RASSF2: variants seen among roughly 807,000 people sequenced by gnomAD.
The protein encoded by RASSF2 is Ras association domain family member 2.
Under a neutral mutation model 46.3 loss-of-function variants are expected in RASSF2, and 34 were observed. The ratio of observed to expected loss-of-function variants is 0.73; its 90% CI spans 0.56 to 0.98. The LOEUF (loss-of-function observed/expected upper bound fraction) is 0.98, where lower values mean the gene tolerates loss of function less well. RASSF2 is among the 50% of genes least tolerant of loss of function. The probability of loss-of-function intolerance (pLI) is 0.00; values close to 1 mark genes in which losing one functional copy is unlikely to be tolerated. For missense variants in RASSF2, 364 were observed against 431.2 expected, an observed-to-expected ratio of 0.84 and a Z score of 1.38; for synonymous variants, 158 against 162.5, an observed-to-expected ratio of 0.97 and a Z score of 0.21.
At chr20:4,792,439 C>T in intron 6 of RASSF2, 100 bp downstream of exon 6, 8 of 1,551,028 alleles carry the variant, frequency 5.2e-6, no homozygotes, top group Non-Finnish European at 7.0e-6. Context: ...GAACCATATA[C>T]ATTTTATATT....
At chr20:4,813,736 G>A (rs368624239) in intron 2 of RASSF2, among the ~76,000 whole-genome samples, 62 of 152,252 alleles carry the variant, frequency 4.1e-4, no homozygotes, top group African/African-American at 1.3e-3. Context: ...TGTGTGCGTG[G>A]GTGTGAGCAT....
intron 2 of RASSF2, among the ~76,000 whole-genome samples, chr20:4,821,975 T>A (rs1296217050): frequency 2.0e-5 from 3 of 152,242 alleles, no homozygotes; most frequent in Non-Finnish European, 4.4e-5. Flanking sequence ...GGACACTATA[T>A]TTGAACACAA....
intron 3 of RASSF2, 34 bp downstream of exon 3, chr20:4,800,938 A>G (rs1249530106): frequency 6.4e-7 from 1 of 1,561,720 alleles, no homozygotes; most frequent in East Asian, 2.2e-5. Flanking sequence ...GGGACTGGTC[A>G]CTGAGGACAA....
chr20:4,814,092 T>C (rs1166470584), intron 2 of RASSF2, among the ~76,000 whole-genome samples: 1 of 151,928 alleles, frequency 6.6e-6, no homozygotes, highest in Non-Finnish European at 1.5e-5. Flanking sequence ...GCTGAGCCAG[T>C]TTATAGGGTA....
chr20:4,796,492 G>T (rs1234463612), intron 4 of RASSF2, among the ~76,000 whole-genome samples: 2 of 152,226 alleles, frequency 1.3e-5, no homozygotes, highest in East Asian at 3.9e-4. Context: ...CTTTAAAAGG[G>T]TGTCAAGTGA....
chr20:4,794,251 C>A (rs182155285), intron 5 of RASSF2, among the ~76,000 whole-genome samples: 10 of 152,060 alleles, frequency 6.6e-5, no homozygotes, highest in Non-Finnish European at 1.2e-4. Flanking sequence ...ATAGTGAGAC[C>A]CCATTTCTAC....
chr20:4,821,008 C>T (rs1232060334), intron 2 of RASSF2, among the ~76,000 whole-genome samples: 1 of 152,088 alleles, frequency 6.6e-6, no homozygotes, highest in South Asian at 2.1e-4. Context: ...TCGTCCAGCC[C>T]TCTGAGGCAG....
intron 2 of RASSF2, among the ~76,000 whole-genome samples, chr20:4,802,930 A>C (rs1927017418): frequency 7.4e-6 from 1 of 134,778 alleles, no homozygotes; most frequent in African/African-American, 2.9e-5. Context: ...TTTTTTTGAG[A>C]CAGAGACTCA....
chr20:4,812,022 T>C lies in RASSF2; in HGVS notation c.-33+10307A>G, dbSNP rs915116393. Among the ~76,000 whole-genome samples, 4 of 151,910 alleles carry C rather than the reference T, an allele frequency of 2.6e-5. No individual in the cohort carries two copies. The highest frequency in any genetic ancestry group is 9.7e-5 in the African/African-American group (4 of 41,346). ...TGATCCCTCTGCGCTTCGGACCCCT[T>C]GTAGTGGGGCAGGAAGCGGTGTGGA... On this transcript the variant is annotated intron_variant, in intron 2 of 11. Transcript: ENST00000379400. This position sits in a 1 kb window ranked among gnomAD's most constrained non-coding sequence, Gnocchi z 4.0.
chr20:4,796,300 G>A (rs1926348120), intron 4 of RASSF2, among the ~76,000 whole-genome samples: 1 of 152,202 alleles, frequency 6.6e-6, no homozygotes, highest in Non-Finnish European at 1.5e-5. Flanking sequence ...AGTGAGATTA[G>A]CCTTGTTAAC....
rs1378599997 is a variant in RASSF2 at position 4,782,549 on chromosome 20, T to C, written c.*1724A>G. ...GCTGTCCCTATGGAGGAAGGAGACT[T>C]GCTATAAAACCCTTGGCGAAATGCC... On this transcript the variant is annotated 3_prime_UTR_variant, in exon 12 of 12. Coordinates refer to ENST00000379400, the MANE Select transcript of RASSF2 (RefSeq NM_014737.3). 6.6e-6 allele frequency: 1 copy of C among 152,466 alleles called. No homozygotes were observed. Among genetic ancestry groups the C allele is most frequent in the Non-Finnish European group, 1.5e-5 (1 of 68,084 alleles). 9.4% of individuals were successfully genotyped at this position (152,466 alleles called of 1,614,324 possible). A position where few individuals can be genotyped will look rare whatever the true frequency, so the allele number is the denominator to read the frequency against.
chr20:4,795,045 C>G lies in RASSF2; in HGVS notation c.287+770G>C, dbSNP rs1337870004. 6.6e-6 allele frequency among the ~76,000 whole-genome samples: 1 copy of G among 152,162 alleles called. No individual in the cohort carries two copies. The highest frequency in any genetic ancestry group is 2.1e-4 in the South Asian group (1 of 4,822). ...GAGCACACTCCACCCAGGCTGGGGC[C>G]GAAGGCAGTCAGCATCAGCAGGTTT... On this transcript the variant is annotated intron_variant, in intron 5 of 11. Transcript: ENST00000379400. The surrounding 1 kb of genome is among the most constrained non-coding windows in gnomAD (Gnocchi z 4.0).
chr20:4,817,769 G>C (rs1191958598), intron 2 of RASSF2, among the ~76,000 whole-genome samples: 9 of 152,210 alleles, frequency 5.9e-5, no homozygotes, highest in Non-Finnish European at 1.0e-4. Context: ...AGGGGCCAGT[G>C]CTGGGTGTCT....
At chr20:4,806,687 A>T (rs1927364237) in intron 2 of RASSF2, among the ~76,000 whole-genome samples, 1 of 152,110 alleles carries the variant, frequency 6.6e-6, no homozygotes, top group Non-Finnish European at 1.5e-5. Context: ...GCCTCAAGTG[A>T]TTCTCTCACC....
intron 8 of RASSF2, among the ~76,000 whole-genome samples, chr20:4,789,365 T>C (rs1289169425): frequency 6.6e-6 from 1 of 152,154 alleles, no homozygotes; most frequent in African/African-American, 2.4e-5. Context: ...CAATTTCTGA[T>C]TTAGTGGGTC....
At chr20:4,813,840 T>C (rs1410904441) in intron 2 of RASSF2, among the ~76,000 whole-genome samples, 1 of 152,020 alleles carries the variant, frequency 6.6e-6, no homozygotes, top group Non-Finnish European at 1.5e-5. Context: ...GCTGTGTATG[T>C]GTGTGTATCC....
Position 4,784,280 on chromosome 20 carries a change from G to A in RASSF2, c.974C>T (p.Thr325Ile). 1 of 1,613,624 alleles carries A rather than the reference G, an allele frequency of 6.2e-7. No homozygotes were observed. Among genetic ancestry groups the A allele is most frequent in the Non-Finnish European group, 8.5e-7 (1 of 1,179,550 alleles). Residue 325 changes from threonine to isoleucine, a missense_variant, in exon 12 of 12, where the codon ACA (threonine) becomes ATA (isoleucine). Thr to Ile is a moderately conservative substitution (Grantham distance 89). Coordinates refer to ENST00000379400, the MANE Select transcript of RASSF2 (RefSeq NM_014737.3). ...RLEEIAETPA[T>I]I ...TCCCCTCGTTCTCATGGCTCAGATT[G>A]TTGCTGGGGTCTCGGCTATCTCCTC...
In RASSF2 at chr20:4,784,289, G is replaced by C. The variant is rs761589604; in HGVS notation, c.965C>G (p.Thr322Ser). Residue 322 changes from threonine (T) to serine (S), a missense_variant, in exon 12 of 12, where the codon ACC becomes AGC. Coordinates refer to ENST00000379400, the MANE Select transcript of RASSF2 (RefSeq NM_014737.3). ...IRQRLEEIAETPATI is the reference protein window; with the variant it reads ...IRQRLEEIAESPATI ...TCTCATGGCTCAGATTGTTGCTGGG[G>C]TCTCGGCTATCTCCTCCAGCCTCTG... is the stretch of plus-strand genomic sequence containing the variant. 6.2e-7 allele frequency: 1 copy of C among 1,613,848 alleles called. No homozygotes were observed. Among genetic ancestry groups the C allele is most frequent in the South Asian group, 1.1e-5 (1 of 91,068 alleles).
Position 4,792,534 on chromosome 20 carries a change from T to C in RASSF2, c.376+5A>G, listed in dbSNP as rs1344173376. 1.2e-6 allele frequency: 2 copies of C among 1,614,120 alleles called. No individual in the cohort carries two copies. Among genetic ancestry groups the C allele is most frequent in the Admixed American group, 1.7e-5 (1 of 60,004 alleles). On this transcript the variant is annotated splice_donor_5th_base_variant and intron_variant, in intron 6 of 11. Coordinates refer to ENST00000379400, the MANE Select transcript of RASSF2 (RefSeq NM_014737.3). ...TAGCTGGAAGTACCTTCCACTCACA[T>C]GTACCTGTGGAGCTTGGCATCTGGT...
Sources: allele counts gnomAD v4.1 joint callset (sites outside exome capture counted in the v4.1 genomes callset), GRCh38; gene constraint gnomAD v4.1.1; non-coding constraint Gnocchi (gnomAD v3.1); transcripts MANE v1.5; gene names NCBI Gene and HGNC (gene_info 2026-07-23, HGNC 2026-07-21).